DNAH5: variants seen among roughly 807,000 people sequenced by gnomAD.
DNAH5 encodes the protein dynein axonemal heavy chain 5.
DNAH5 carries 372 observed loss-of-function variants against 518.2 expected under a neutral mutation model. The observed-to-expected ratio is 0.72, with a 90% CI of 0.66 to 0.78. The LOEUF is 0.78. Ranked by LOEUF, DNAH5 falls within the 30% of genes least tolerant of loss-of-function variation. DNAH5 has a pLI of 0.00. For missense variants in DNAH5, 5,523 were observed against 5,687.0 expected, an observed-to-expected ratio of 0.97 and a Z score of 0.93; for synonymous variants, 2,039 against 2,025.9, an observed-to-expected ratio of 1.01 and a Z score of -0.17.
intron 17 of DNAH5, among the ~76,000 whole-genome samples, chr5:13,890,713 T>C (rs1016026266): frequency 4.6e-5 from 7 of 152,232 alleles, no homozygotes; most frequent in African/African-American, 1.7e-4. Context: ...CATTAAAAAA[T>C]GGAAAAATTC....
chr5:13,920,464 G>T lies in DNAH5; in HGVS notation c.798+16C>A. The stretch of plus-strand genomic sequence containing the variant: ...AATGTGGCACCTGAAATTGATGTTT[G>T]GTTTCTCAAAATTACCTGTTCTGTC... On this transcript the variant is annotated intron_variant, in intron 6 of 78. Coordinates refer to ENST00000265104, the MANE Select transcript of DNAH5 (RefSeq NM_001369.3). The T allele has an allele frequency of 7.4e-6, 12 of 1,613,980 alleles. No homozygotes were observed. Among genetic ancestry groups the T allele is most frequent in the South Asian group, 1.1e-5 (1 of 91,064 alleles).
At chr5:13,936,020 T>C (rs1778893509) in intron 1 of DNAH5, among the ~76,000 whole-genome samples, 1 of 152,178 alleles carries the variant, frequency 6.6e-6, no homozygotes, top group Non-Finnish European at 1.5e-5. Context: ...TTGCGGCAAT[T>C]TGTGATATGT....
intron 1 of DNAH5, among the ~76,000 whole-genome samples, chr5:14,001,000 G>C (rs896278481): frequency 6.6e-6 from 1 of 152,174 alleles, no homozygotes; most frequent in Non-Finnish European, 1.5e-5. Flanking sequence ...CAGCAACATG[G>C]ATACAGCTGG....
chr5:13,816,202 A>G (rs1761425142), intron 42 of DNAH5, among the ~76,000 whole-genome samples: 1 of 152,234 alleles, frequency 6.6e-6, no homozygotes, highest in Non-Finnish European at 1.5e-5. Flanking sequence ...AACACTGGGC[A>G]AAAAACTTGA....
chr5:13,967,733 T>C (rs376262771), intron 1 of DNAH5, among the ~76,000 whole-genome samples: 2 of 151,654 alleles, frequency 1.3e-5, no homozygotes, highest in East Asian at 1.9e-4. Context: ...CTGTGAGGAA[T>C]GATGGTGGTA....
chr5:13,957,022 T>G (rs1170538731), intron 1 of DNAH5, among the ~76,000 whole-genome samples: 1 of 152,184 alleles, frequency 6.6e-6, no homozygotes, highest in Non-Finnish European at 1.5e-5. Flanking sequence ...AACAGACAGG[T>G]TTATCTAGCT....
chr5:13,772,320 T>C (rs1342288310), intron 55 of DNAH5, among the ~76,000 whole-genome samples: 1 of 152,248 alleles, frequency 6.6e-6, no homozygotes, highest in Non-Finnish European at 1.5e-5. Context: ...GAACAAACAG[T>C]ATCAATAATG....
chr5:13,730,656 G>T (rs955533323), intron 68 of DNAH5, among the ~76,000 whole-genome samples: 19 of 150,018 alleles, frequency 1.3e-4, no homozygotes, highest in African/African-American at 4.7e-4. Flanking sequence ...GGATGGTATC[G>T]ATCTCCTGAC....
chr5:13,832,727 T>C (rs548711040), intron 35 of DNAH5, among the ~76,000 whole-genome samples: 35 of 152,274 alleles, frequency 2.3e-4, no homozygotes, highest in African/African-American at 7.9e-4. Context: ...TATATGAACA[T>C]TGGTTGAATA....
In DNAH5 at chr5:13,780,904, C is replaced by G. The variant is rs1253248581; in HGVS notation, c.8876G>C (p.Gly2959Ala). The change falls in exon 53 of 79, where the codon GGA (glycine) becomes GCA (alanine). Residue 2959 changes from glycine to alanine, a missense_variant. Around this residue, in one of 3 missense-constraint regions of DNAH5, gnomAD observed 5,121 missense variants for 5,223.3 expected, o/e 0.98. Transcript: ENST00000265104. Reference sequence around the variant, plus strand: ...CCTCGTCAGGCTCTGCTTTCCTGATCCGCCCACCCCGACCAGGAGGGCATT... The same window carrying G: ...CCTCGTCAGGCTCTGCTTTCCTGATGCGCCCACCCCGACCAGGAGGGCATT... ...QGNALLVGVG[G>A]SGKQSLTRLA... 1 of 1,613,656 alleles carries G rather than the reference C, an allele frequency of 6.2e-7. No individual in the cohort carries two copies. The highest frequency in any genetic ancestry group is 8.5e-7 in the Non-Finnish European group (1 of 1,179,808).
chr5:13,864,932 G>A (rs1193291650), intron 27 of DNAH5, among the ~76,000 whole-genome samples: 1 of 151,572 alleles, frequency 6.6e-6, no homozygotes, highest in African/African-American at 2.4e-5. Context: ...CTACAAACAT[G>A]TACTGAGAAC....
chr5:13,971,806 G>A (rs919271307), intron 1 of DNAH5, among the ~76,000 whole-genome samples: 13 of 152,148 alleles, frequency 8.5e-5, no homozygotes, highest in African/African-American at 2.7e-4. Flanking sequence ...GTAGTATAGG[G>A]AGGATACAAG....
intron 28 of DNAH5, among the ~76,000 whole-genome samples, chr5:13,863,150 G>A (rs950322902): frequency 1.3e-5 from 2 of 152,118 alleles, no homozygotes; most frequent in African/African-American, 4.8e-5. Flanking sequence ...GCAGAAACCT[G>A]ATTCTCCCAT....
chr5:13,795,666 T>C (rs1346729371), intron 47 of DNAH5, among the ~76,000 whole-genome samples: 2 of 152,022 alleles, frequency 1.3e-5, no homozygotes, highest in Non-Finnish European at 2.9e-5. Context: ...TTCCAATCAA[T>C]AGAAAAAGAG....
chr5:13,726,162 G>T (rs146284224), intron 70 of DNAH5, among the ~76,000 whole-genome samples: 70 of 152,310 alleles, frequency 4.6e-4, no homozygotes, highest in African/African-American at 1.6e-3. Flanking sequence ...CCAGAAAGTT[G>T]TCAGGTTGAA....
At chr5:13,892,867 A>G (rs1823041) in intron 16 of DNAH5, among the ~76,000 whole-genome samples, 87,979 of 151,574 alleles carry the variant, frequency 0.58, 25,876 homozygotes, top group African/African-American at 0.66. Flanking sequence ...TCGGGTTCTA[A>G]ACTCATTATT....
rs115758625 is a variant in DNAH5 at position 13,931,257 on chromosome 5, A to G, written c.58-13T>C. 4.1e-3 allele frequency: 6,577 copies of G among 1,614,024 alleles called. 239 individuals carry two copies. In the African/African-American group the frequency reaches 0.077, roughly 19 times the overall value. ...CCTTCAGTCTTTGCTAAAAGAAAAG[A>G]ATAAAAATGTTACATGGAAACTGCT... is the stretch of plus-strand genomic sequence containing the variant. On this transcript the variant is annotated splice_polypyrimidine_tract_variant and intron_variant, in intron 1 of 78. Transcript: ENST00000265104.
At chr5:13,958,902 C>T (rs16902972) in intron 1 of DNAH5, among the ~76,000 whole-genome samples, 5,832 of 152,246 alleles carry the variant, frequency 0.038, 127 homozygotes, top group African/African-American at 0.051. Flanking sequence ...CAAGCTCCTA[C>T]AATGTTATGT....
At chr5:13,847,339 A>G (rs1766145433) in intron 31 of DNAH5, among the ~76,000 whole-genome samples, 2 of 121,182 alleles carry the variant, frequency 1.7e-5, no homozygotes, top group Non-Finnish European at 3.5e-5. Flanking sequence ...ACAATTTTAG[A>G]GTAGACATTT....
Sources: gnomAD v4.1 joint callset for allele counts (sites outside exome capture counted in the v4.1 genomes callset) on GRCh38, gnomAD v4.1.1 for gene constraint, gnomAD v4.1.1 regional missense constraint, MANE v1.5 for transcripts, NCBI Gene and HGNC (gene_info 2026-07-23, HGNC 2026-07-21) for gene names.